Variants in LSAMP observed in about 807,000 individuals in gnomAD.
LSAMP encodes the protein limbic system-associated membrane protein.
LSAMP carries 7 observed loss-of-function variants against 38.6 expected under a neutral mutation model. The observed-to-expected ratio is 0.18, with a 90% CI of 0.10 to 0.34. LSAMP has a LOEUF of 0.34. Among genes scored for constraint, LSAMP ranks in the 10% least tolerant of loss-of-function variants. The probability of loss-of-function intolerance (pLI) is 1.00; values close to 1 mark genes in which losing one functional copy is unlikely to be tolerated. For synonymous variants in LSAMP, 154 were observed against 166.8 expected (o/e 0.92, Z 0.59); for missense variants, 313 against 420.0 (o/e 0.75, Z 2.23).
Position 116,116,113 on chromosome 3 carries a change from CT to C in LSAMP, c.156-29558del, listed in dbSNP as rs59542704. Reference sequence around the variant, plus strand: ...TAATATATTTTTTTCTTCTATTTTCCTTTTTTTTTTTCTTTTGGCTCCATTT... The same window carrying C: ...TAATATATTTTTTTCTTCTATTTTCCTTTTTTTTTTCTTTTGGCTCCATTT... On this transcript the variant is annotated intron_variant, in intron 1 of 6. Transcript: ENST00000490035. Among the ~76,000 whole-genome samples, 576 of 139,856 alleles carry C rather than the reference CT, an allele frequency of 4.1e-3. 4 individuals carry two copies. Among genetic ancestry groups the C allele is most frequent in the African/African-American group, 0.012 (458 of 38,014 alleles). The allele number at this position is 139,856 out of a possible 152,430, so 91.8% of individuals were successfully genotyped here. A position where few individuals can be genotyped will look rare whatever the true frequency, so the allele number is the denominator to read the frequency against.
At chr3:116,439,783 C>T (rs2049408573) in intron 1 of LSAMP, among the ~76,000 whole-genome samples, 1 of 152,336 alleles carries the variant, frequency 6.6e-6, no homozygotes, top group African/African-American at 2.4e-5. Context: ...AGCGCAGTGG[C>T]GCGATCTTGG....
chr3:116,169,160 C>T (rs1276061716), intron 1 of LSAMP, among the ~76,000 whole-genome samples: 4 of 152,098 alleles, frequency 2.6e-5, no homozygotes, highest in African/African-American at 9.7e-5. Context: ...GCTATGATCA[C>T]GCCACTCCAT....
chr3:116,414,358 T>C (rs926708643), intron 1 of LSAMP, among the ~76,000 whole-genome samples: 2 of 152,116 alleles, frequency 1.3e-5, no homozygotes, highest in Non-Finnish European at 2.9e-5. Context: ...CCATCCTCTG[T>C]ATTTTACAGC....
intron 1 of LSAMP, among the ~76,000 whole-genome samples, chr3:116,317,356 CTTT>C (rs71616348): frequency 2.9e-5 from 4 of 140,026 alleles, no homozygotes; most frequent in Admixed American, 7.2e-5. Context: ...CTCTTTCTTT[CTTT>C]TTTTTTTTTT....
rs192783232 is a variant in LSAMP at position 116,273,062 on chromosome 3, G to A, written c.155+171815C>T. On this transcript the variant is annotated intron_variant, in intron 1 of 6. Coordinates refer to ENST00000490035, the MANE Select transcript of LSAMP (RefSeq NM_002338.5). ...CACTACTTAGAATTGCTCACTGTTC[G>A]CTCAAAGGTCATCACAGCACTTAAT... Among the ~76,000 whole-genome samples the A allele has an allele frequency of 6.6e-5, 10 of 152,100 alleles. No homozygotes were observed. The East Asian group carries it at 7.7e-4, about 12-fold the overall frequency.
chr3:116,240,666 A>G (rs888965164), intron 1 of LSAMP, among the ~76,000 whole-genome samples: 1 of 152,232 alleles, frequency 6.6e-6, no homozygotes, highest in Non-Finnish European at 1.5e-5. Flanking sequence ...TTTTAACCTC[A>G]TGTCCATGGA....
At chr3:116,215,679 A>G (rs1460373715) in intron 1 of LSAMP, among the ~76,000 whole-genome samples, 1 of 152,144 alleles carries the variant, frequency 6.6e-6, no homozygotes, top group Non-Finnish European at 1.5e-5. Flanking sequence ...AATCAGAGAG[A>G]TGCATTTAAT....
chr3:116,136,092 G>T (rs561483088), intron 1 of LSAMP, among the ~76,000 whole-genome samples: 5 of 152,190 alleles, frequency 3.3e-5, no homozygotes, highest in African/African-American at 4.8e-5. Flanking sequence ...AAGGTGGCAA[G>T]ACCCACATTA....
intron 1 of LSAMP, among the ~76,000 whole-genome samples, chr3:116,141,678 G>A (rs1422833746): frequency 6.6e-6 from 1 of 151,864 alleles, no homozygotes; most frequent in Non-Finnish European, 1.5e-5. Context: ...ACAAAAAGGA[G>A]CCCTGATGAC....
chr3:115,927,548 T>C (rs752206586), intron 3 of LSAMP, among the ~76,000 whole-genome samples: 2 of 152,182 alleles, frequency 1.3e-5, no homozygotes, highest in Non-Finnish European at 2.9e-5. Context: ...ACCATGGTTA[T>C]GTATTATTTT....
intron 1 of LSAMP, among the ~76,000 whole-genome samples, chr3:116,366,013 TAAA>T (rs67452614): frequency 2.5e-3 from 72 of 28,686 alleles, no homozygotes; most frequent in African/African-American, 8.6e-3. Flanking sequence ...TAGAGTATAA[TAAA>T]AAAAAAAAAA....
At chr3:116,383,765 G>A (rs2048591718) in intron 1 of LSAMP, among the ~76,000 whole-genome samples, 1 of 152,154 alleles carries the variant, frequency 6.6e-6, no homozygotes, top group Non-Finnish European at 1.5e-5. Context: ...CACTGGCAAT[G>A]TATGTTCTTA....
At chr3:116,263,309 G>A (rs906737339) in intron 1 of LSAMP, among the ~76,000 whole-genome samples, 2 of 151,998 alleles carry the variant, frequency 1.3e-5, no homozygotes, top group Non-Finnish European at 2.9e-5. Context: ...AGGCCGAGGT[G>A]GGTGGATCAC....
At chr3:115,868,616 T>C (rs1257150449) in intron 3 of LSAMP, among the ~76,000 whole-genome samples, 3 of 152,106 alleles carry the variant, frequency 2.0e-5, no homozygotes, top group Non-Finnish European at 2.9e-5. Flanking sequence ...GAGTTGAAGA[T>C]ATGAAACTTA....
intron 1 of LSAMP, among the ~76,000 whole-genome samples, chr3:116,135,835 C>T (rs1272109311): frequency 6.6e-6 from 1 of 152,182 alleles, no homozygotes; most frequent in Admixed American, 6.6e-5. Flanking sequence ...CATAATTTCT[C>T]ATCCTTCCTT....
At chr3:115,945,360 A>G (rs3884593) in intron 3 of LSAMP, among the ~76,000 whole-genome samples, 37,378 of 152,002 alleles carry the variant, frequency 0.25, 5,221 homozygotes, top group East Asian at 0.52. Flanking sequence ...ACTTGCCCTA[A>G]TTAGGTATTC....
rs149352574 is a variant in LSAMP at position 116,398,394 on chromosome 3, C to T, written c.155+46483G>A. ...GACATCGCTTCTCTAATTGCTAAATCCCCAGTCCATAGGAGAGTATCTGGC... is the reference window on the plus strand; with the variant it reads ...GACATCGCTTCTCTAATTGCTAAATTCCCAGTCCATAGGAGAGTATCTGGC... On this transcript the variant is annotated intron_variant, in intron 1 of 6. Coordinates refer to ENST00000490035, the MANE Select transcript of LSAMP (RefSeq NM_002338.5). 6.6e-4 allele frequency among the ~76,000 whole-genome samples: 101 copies of T among 152,272 alleles called. 2 individuals carry two copies. The East Asian group carries it at 0.017, about 25-fold the overall frequency.
chr3:115,914,100 G>T (rs150886323), intron 3 of LSAMP, among the ~76,000 whole-genome samples: 15 of 152,282 alleles, frequency 9.9e-5, no homozygotes, highest in African/African-American at 3.6e-4. Context: ...GCAGATACAA[G>T]TTAGAGTGAT....
At chr3:116,198,423 T>A (rs2045940029) in intron 1 of LSAMP, among the ~76,000 whole-genome samples, 1 of 152,264 alleles carries the variant, frequency 6.6e-6, no homozygotes, top group Admixed American at 6.5e-5. Flanking sequence ...AAAAGATTTC[T>A]GGGTGGGAGT....
Sources: allele counts gnomAD v4.1 joint callset (sites outside exome capture counted in the v4.1 genomes callset), GRCh38; gene constraint gnomAD v4.1.1; transcripts MANE v1.5; gene names NCBI Gene and HGNC (gene_info 2026-07-23, HGNC 2026-07-21).